The following COL24A1 variants were observed in gnomAD, a reference collection of about 807,000 sequenced individuals.
COL24A1 encodes the protein collagen alpha-1(XXIV) chain.
COL24A1 carries 224 observed loss-of-function variants against 253.9 expected under a neutral mutation model. The ratio of observed to expected loss-of-function variants is 0.88; its 90% confidence interval spans 0.79 to 0.99. COL24A1 has a LOEUF of 0.99. Among genes scored for constraint, COL24A1 ranks in the 50% least tolerant of loss-of-function variants. COL24A1 has a pLI of 0.00. For missense variants in COL24A1, 2,131 were observed against 2,068.5 expected (o/e 1.03, Z -0.59); for synonymous variants, 685 against 673.7 (o/e 1.02, Z -0.26).
At chr1:85,799,191 C>A (rs1671136762) in intron 47 of COL24A1, among the ~76,000 whole-genome samples, 2 of 66,156 alleles carry the variant, frequency 3.0e-5, no homozygotes, top group African/African-American at 5.2e-5. Flanking sequence ...GCCAAGAATT[C>A]TTTAATTCCT....
rs138113254 is a variant in COL24A1 at position 86,073,224 on chromosome 1, T to C, written c.1708-9465A>G. Among the ~76,000 whole-genome samples the C allele has an allele frequency of 9.5e-3, 1,445 of 152,044 alleles. 34 individuals carry two copies. Among genetic ancestry groups the C allele is most frequent in the African/African-American group, 0.033 (1,351 of 41,478 alleles). On this transcript the variant is annotated intron_variant, in intron 7 of 59. Coordinates refer to ENST00000370571, the MANE Select transcript of COL24A1 (RefSeq NM_152890.7). ...ACCTAATGCAAGGAAGCTAAGAACC[T>C]TGAAAAAAGGTTAGAGGAATTGCTA...
chr1:85,812,056 C>T (rs540387045), intron 47 of COL24A1, among the ~76,000 whole-genome samples: 22 of 152,206 alleles, frequency 1.4e-4, no homozygotes, highest in East Asian at 3.9e-4. Context: ...GAGCTTGCTC[C>T]GATTGAAACT....
At chr1:85,927,507 G>T (rs1687436529) in intron 24 of COL24A1, among the ~76,000 whole-genome samples, 2 of 130,122 alleles carry the variant, frequency 1.5e-5, no homozygotes, top group Non-Finnish European at 3.3e-5. Context: ...GCTGGGGGAG[G>T]GGCGCCCGCC....
chr1:86,077,118 T>A (rs978680656), intron 7 of COL24A1, among the ~76,000 whole-genome samples: 2 of 152,106 alleles, frequency 1.3e-5, no homozygotes, highest in African/African-American at 4.8e-5. Flanking sequence ...ATATCCAGAA[T>A]CTACAAGAAA....
At chr1:85,906,746 T>C (rs1684875961) in intron 28 of COL24A1, among the ~76,000 whole-genome samples, 1 of 151,936 alleles carries the variant, frequency 6.6e-6, no homozygotes. Flanking sequence ...TATTAGACAA[T>C]GATGATTATA....
At chr1:85,765,179 A>G (rs887738539) in intron 53 of COL24A1, among the ~76,000 whole-genome samples, 14 of 152,150 alleles carry the variant, frequency 9.2e-5, no homozygotes, top group African/African-American at 3.4e-4. Context: ...TCTCACTTTC[A>G]AATTGGAGGC....
At chr1:85,853,658 C>T (rs559465067) in intron 37 of COL24A1, among the ~76,000 whole-genome samples, 10 of 152,276 alleles carry the variant, frequency 6.6e-5, no homozygotes, top group Middle Eastern at 3.4e-3. Context: ...TAATAAAAGC[C>T]ATTCTGACTG....
chr1:86,129,359 T>C (rs553562528), intron 2 of COL24A1, among the ~76,000 whole-genome samples: 1 of 151,748 alleles, frequency 6.6e-6, no homozygotes, highest in Non-Finnish European at 1.5e-5. Flanking sequence ...ATTTCAAATG[T>C]ATACAGCCTT....
intron 43 of COL24A1, among the ~76,000 whole-genome samples, chr1:85,831,982 T>C (rs953189157): frequency 1.1e-4 from 17 of 152,244 alleles, no homozygotes; most frequent in Admixed American, 7.9e-4. Context: ...TTTGGTGTTT[T>C]AGACATGAAG....
At chr1:86,022,100 C>A in intron 18 of COL24A1, 140 bp downstream of exon 18, 2 of 764,884 alleles carry the variant, frequency 2.6e-6, no homozygotes, top group African/African-American at 1.7e-5. Flanking sequence ...AACTGAATAC[C>A]TGAGGGATTT....
intron 5 of COL24A1, among the ~76,000 whole-genome samples, chr1:86,107,351 A>C (rs1705080473): frequency 6.6e-6 from 1 of 152,194 alleles, no homozygotes; most frequent in African/African-American, 2.4e-5. Context: ...ACATAAAATA[A>C]GTGGCAGATA....
In COL24A1 at chr1:85,936,452, A is replaced by G. The variant is rs1688256924; in HGVS notation, c.2562+24797T>C. ...GGACTATGACCCAAGGGGATAAAAG[A>G]TCTCGTCAGTATGTACTGGTAGGAG... On this transcript the variant is annotated intron_variant, in intron 24 of 59. Transcript: ENST00000370571. 1.4e-5 allele frequency among the ~76,000 whole-genome samples: 2 copies of G among 147,442 alleles called. 1 individual carries two copies. The highest frequency in any genetic ancestry group is 3.0e-5 in the Non-Finnish European group (2 of 66,684).
intron 19 of COL24A1, among the ~76,000 whole-genome samples, chr1:86,006,825 TAACA>T (rs983145233): frequency 5.3e-5 from 8 of 151,996 alleles, no homozygotes. Flanking sequence ...CCAAAGACCT[TAACA>T]AACACCTCAC....
At chr1:85,791,533 A>G (rs1670275855) in intron 47 of COL24A1, among the ~76,000 whole-genome samples, 1 of 152,164 alleles carries the variant, frequency 6.6e-6, no homozygotes, top group Non-Finnish European at 1.5e-5. Context: ...CATATTTCAA[A>G]ATCGATTTGA....
rs1677293895 is a variant in COL24A1 at position 85,847,738 on chromosome 1, A to G, written c.3389T>C (p.Val1130Ala). The part of the protein sequence containing the change: ...DKGQIGPTGE[V>A]GSRGPPGKIG... ...TTTTCCAGGAGGACCTCTGCTTCCAACTTCTCCTGTGGGTCCTATTTGTCC... is the reference window on the plus strand; with the variant it reads ...TTTTCCAGGAGGACCTCTGCTTCCAGCTTCTCCTGTGGGTCCTATTTGTCC... Residue 1130 changes from valine to alanine, a missense_variant, in exon 39 of 60, where the codon GTT (valine) becomes GCT (alanine). Val to Ala is a moderately conservative substitution (Grantham distance 64). Coordinates refer to ENST00000370571, the MANE Select transcript of COL24A1 (RefSeq NM_152890.7). 3 of 1,613,860 alleles carry G rather than the reference A, an allele frequency of 1.9e-6. No homozygotes were observed. Among genetic ancestry groups the G allele is most frequent in the Non-Finnish European group, 2.5e-6 (3 of 1,179,872 alleles).
intron 20 of COL24A1, among the ~76,000 whole-genome samples, chr1:85,975,148 G>A (rs1231863193): frequency 1.3e-5 from 2 of 152,066 alleles, no homozygotes; most frequent in Non-Finnish European, 2.9e-5. Context: ...CACAGAGAAA[G>A]GGTGATTTAT....
chr1:86,015,030 A>G (rs1458287667), intron 19 of COL24A1, among the ~76,000 whole-genome samples: 2 of 152,220 alleles, frequency 1.3e-5, no homozygotes, highest in Non-Finnish European at 2.9e-5. Context: ...TTCATCCACT[A>G]TACAAGCAGA....
intron 5 of COL24A1, among the ~76,000 whole-genome samples, chr1:86,104,092 T>C (rs894320443): frequency 3.9e-5 from 6 of 152,196 alleles, no homozygotes; most frequent in Non-Finnish European, 8.8e-5. Flanking sequence ...TTTTCATTCT[T>C]TTTTCTCATC....
Position 86,089,186 on chromosome 1 carries a change from C to A in COL24A1, c.1695G>T (p.Met565Ile). 6.3e-7 allele frequency: 1 copy of A among 1,581,096 alleles called. No individual in the cohort carries two copies. The highest frequency in any genetic ancestry group is 1.2e-5 in the South Asian group (1 of 84,374). Residue 565 changes from methionine to isoleucine, a missense_variant, in exon 7 of 60, where the codon ATG becomes ATT. By Grantham distance (10) the Met-to-Ile change is conservative (BLOSUM62 1). Transcript: ENST00000370571. Reference sequence around the variant, plus strand: ...AATTCCAACTTACCTTATCACCTTGCATACCAGGGGGGCCCATTAATCCAG... The same window carrying A: ...AATTCCAACTTACCTTATCACCTTGAATACCAGGGGGGCCCATTAATCCAG... ...GLSGLMGPPG[M>I]QGDKGLKGHP... is the part of the protein sequence containing the mutation.
Sources: allele counts gnomAD v4.1 joint callset (sites outside exome capture counted in the v4.1 genomes callset), GRCh38; gene constraint gnomAD v4.1.1; transcripts MANE v1.5; gene names NCBI Gene and HGNC (gene_info 2026-07-23, HGNC 2026-07-21).